Variants in AFF3 observed in about 807,000 individuals in gnomAD.
AFF3 encodes ALF transcription elongation factor 3, also known as AF4/FMR2 family member 3.
Under a neutral mutation model 129.7 loss-of-function variants are expected in AFF3, and 32 were observed. That is an observed-to-expected ratio of 0.25 (90% CI 0.19 to 0.33). AFF3 has a LOEUF of 0.33. Ranked by LOEUF, AFF3 falls within the 10% of genes least tolerant of loss-of-function variation. AFF3 has a pLI of 1.00. For synonymous variants in AFF3, 644 were observed against 635.4 expected (o/e 1.01, Z -0.20); for missense variants, 1,373 against 1,592.0 (o/e 0.86, Z 2.34).
intron 7 of AFF3, among the ~76,000 whole-genome samples, chr2:99,869,138 C>T (rs1691665908): frequency 6.6e-6 from 1 of 152,046 alleles, no homozygotes; most frequent in Non-Finnish European, 1.5e-5. Flanking sequence ...TCTGGACTTC[C>T]AGGTGGCACC....
At chr2:99,559,420 ATAAAC>A (rs1184641403) in intron 21 of AFF3, among the ~76,000 whole-genome samples, 2 of 152,222 alleles carry the variant, frequency 1.3e-5, no homozygotes, top group African/African-American at 4.8e-5. Flanking sequence ...AATGTACTTT[ATAAAC>A]AACAAAAACA....
intron 4 of AFF3, among the ~76,000 whole-genome samples, chr2:100,086,973 C>T (rs1689490424): frequency 1.3e-5 from 2 of 152,348 alleles, no homozygotes; most frequent in East Asian, 1.9e-4. Context: ...AAACCTACCC[C>T]ACAGTGGAGC....
intron 13 of AFF3, among the ~76,000 whole-genome samples, chr2:99,621,398 G>T (rs1681991511): frequency 2.0e-5 from 3 of 152,200 alleles, no homozygotes. Flanking sequence ...CTGTGCTGTG[G>T]GTAGAGATTT....
intron 7 of AFF3, among the ~76,000 whole-genome samples, chr2:99,985,166 T>C (rs1463782098): frequency 6.6e-6 from 1 of 152,266 alleles, no homozygotes; most frequent in Non-Finnish European, 1.5e-5. Flanking sequence ...ATTTACTTTT[T>C]CTGCTTTAAA....
chr2:99,998,705 G>A (rs1681093703), intron 7 of AFF3, among the ~76,000 whole-genome samples: 2 of 152,138 alleles, frequency 1.3e-5, no homozygotes, highest in Admixed American at 1.3e-4. Context: ...CAGAGCTCAG[G>A]AGACATACAC....
chr2:99,955,311 T>C (rs1458344161), intron 7 of AFF3, among the ~76,000 whole-genome samples: 2 of 147,172 alleles, frequency 1.4e-5, no homozygotes, highest in African/African-American at 5.4e-5. Flanking sequence ...ATATATAGAG[T>C]ATTCTGTCCT....
At chr2:99,850,997 A>G (rs1690102212) in intron 7 of AFF3, among the ~76,000 whole-genome samples, 1 of 152,236 alleles carries the variant, frequency 6.6e-6, no homozygotes, top group Non-Finnish European at 1.5e-5. Flanking sequence ...GCTTCTAATT[A>G]GCAAGCTATA....
chr2:99,691,393 T>C (rs553316452), intron 11 of AFF3, among the ~76,000 whole-genome samples: 1 of 152,312 alleles, frequency 6.6e-6, no homozygotes, highest in South Asian at 2.1e-4. Context: ...TTTTGGAGCA[T>C]TCAGAGTTGC....
chr2:99,589,736 C>T (rs1046047983), intron 15 of AFF3, among the ~76,000 whole-genome samples: 2 of 151,998 alleles, frequency 1.3e-5, no homozygotes, highest in African/African-American at 4.8e-5. Context: ...AACTGATGTT[C>T]AGAGAAAGTA....
At chr2:99,642,690 C>T (rs946171543) in intron 13 of AFF3, among the ~76,000 whole-genome samples, 30 of 152,196 alleles carry the variant, frequency 2.0e-4, no homozygotes, top group African/African-American at 7.0e-4. Context: ...CTCCTATCTC[C>T]GACCCCAGCC....
In AFF3 at chr2:99,933,359, C is replaced by T. The variant is rs1226895790; in HGVS notation, c.873+73273G>A. ...CTTTTTTTTTAAGTTCTGGGACACA[C>T]GTGCAGAACATGCAGGTTTGTTACA... On this transcript the variant is annotated intron_variant, in intron 7 of 24. Coordinates refer to ENST00000672756, the MANE Select transcript of AFF3 (RefSeq NM_001386135.1). 4.6e-5 allele frequency among the ~76,000 whole-genome samples: 7 copies of T among 151,988 alleles called. No individual in the cohort carries two copies. In the East Asian group the frequency reaches 9.6e-4, roughly 21 times the overall value.
intron 4 of AFF3, among the ~76,000 whole-genome samples, chr2:100,050,404 G>A (rs1195639708): frequency 6.6e-6 from 1 of 151,964 alleles, no homozygotes; most frequent in East Asian, 2.0e-4. Flanking sequence ...CTGAAGTCTT[G>A]ATCATAGCTC....
At chr2:99,987,011 G>A (rs1418828849) in intron 7 of AFF3, among the ~76,000 whole-genome samples, 4 of 152,144 alleles carry the variant, frequency 2.6e-5, no homozygotes, top group East Asian at 1.9e-4. Flanking sequence ...CGAAAAGGCC[G>A]ATCGTTACAA....
At chr2:99,868,494 C>T (rs1216961623) in intron 7 of AFF3, among the ~76,000 whole-genome samples, 3 of 152,080 alleles carry the variant, frequency 2.0e-5, no homozygotes, top group Non-Finnish European at 4.4e-5. Flanking sequence ...GAGGAAGTTG[C>T]TCAGGGAAGG....
At chr2:100,012,816 A>C (rs1216314980) in intron 4 of AFF3, among the ~76,000 whole-genome samples, 1 of 152,182 alleles carries the variant, frequency 6.6e-6, no homozygotes, top group African/African-American at 2.4e-5. Flanking sequence ...CATATACATT[A>C]AACTCAAAAT....
intron 2 of AFF3, among the ~76,000 whole-genome samples, chr2:100,119,993 C>T (rs979040637): frequency 1.3e-5 from 2 of 152,172 alleles, no homozygotes; most frequent in African/African-American, 4.8e-5. Flanking sequence ...CAAATTAAAG[C>T]AAACAGGTTA....
At chr2:99,612,109 C>G (rs575889870) in intron 13 of AFF3, among the ~76,000 whole-genome samples, 1 of 152,280 alleles carries the variant, frequency 6.6e-6, no homozygotes, top group African/African-American at 2.4e-5. Context: ...CCCCGCCTTT[C>G]AGCCTTATTA....
At chr2:99,790,778 C>G (rs1393040984) in intron 8 of AFF3, among the ~76,000 whole-genome samples, 3 of 152,168 alleles carry the variant, frequency 2.0e-5, no homozygotes, top group Non-Finnish European at 4.4e-5. Flanking sequence ...ATCTACAACT[C>G]TGATAAATGT....
At chr2:99,696,654 TC>T (rs1274934495) in intron 11 of AFF3, among the ~76,000 whole-genome samples, 1 of 151,994 alleles carries the variant, frequency 6.6e-6, no homozygotes, top group African/African-American at 2.4e-5. Context: ...ATAATGAAAT[TC>T]TTTTTTTTTT....
Sources: allele counts gnomAD v4.1 joint callset (sites outside exome capture counted in the v4.1 genomes callset), GRCh38; gene constraint gnomAD v4.1.1; transcripts MANE v1.5; gene names NCBI Gene and HGNC (gene_info 2026-07-23, HGNC 2026-07-21).